NAALADL2: variants seen among roughly 807,000 people sequenced by gnomAD.
NAALADL2 encodes inactive N-acetylated-alpha-linked acidic dipeptidase-like protein 2.
NAALADL2 carries 76 observed loss-of-function variants against 87.2 expected under a neutral mutation model. The observed-to-expected ratio is 0.87, with a 90% CI of 0.72 to 1.05. The LOEUF is 1.05. NAALADL2 is among the 50% of genes least tolerant of loss of function. The pLI, the probability that NAALADL2 is intolerant of heterozygous loss-of-function variation, is 0.00. For synonymous variants in NAALADL2, 354 were observed against 331.0 expected (o/e 1.07, Z -0.75); for missense variants, 1,089 against 945.8 (o/e 1.15, Z -1.99).
chr3:175,577,433 A>C (rs1719060425), intron 10 of NAALADL2, among the ~76,000 whole-genome samples: 1 of 152,196 alleles, frequency 6.6e-6, no homozygotes, highest in Admixed American at 6.5e-5. Flanking sequence ...TAGTTTGTTA[A>C]TTGTTGAGGA....
chr3:174,867,118 T>C (rs1727244195), intron 1 of NAALADL2, among the ~76,000 whole-genome samples: 1 of 151,432 alleles, frequency 6.6e-6, no homozygotes, highest in Non-Finnish European at 1.5e-5. Context: ...TTTAACTAAA[T>C]TGATTAGATA....
chr3:175,135,292 C>T (rs775248805), intron 2 of NAALADL2, among the ~76,000 whole-genome samples: 4 of 152,000 alleles, frequency 2.6e-5, no homozygotes, highest in Non-Finnish European at 4.4e-5. Flanking sequence ...ATTTAATATA[C>T]GTGCCAAGAA....
At chr3:174,903,446 A>G (rs1732543797) in intron 1 of NAALADL2, among the ~76,000 whole-genome samples, 1 of 151,970 alleles carries the variant, frequency 6.6e-6, no homozygotes, top group African/African-American at 2.4e-5. Flanking sequence ...AGGGCCTGGA[A>G]ATGGGTGATA....
intron 1 of NAALADL2, among the ~76,000 whole-genome samples, chr3:174,916,418 A>G (rs1290522082): frequency 6.6e-6 from 1 of 152,174 alleles, no homozygotes; most frequent in Non-Finnish European, 1.5e-5. Flanking sequence ...ATGCACACAC[A>G]TGTTTATAGC....
intron 1 of NAALADL2, among the ~76,000 whole-genome samples, chr3:174,919,624 C>T (rs1035721733): frequency 1.3e-5 from 2 of 152,282 alleles, no homozygotes; most frequent in East Asian, 3.9e-4. Flanking sequence ...CAAACTCATC[C>T]ATGAGGGTTG....
chr3:175,266,055 G>A (rs1751885238), intron 4 of NAALADL2, among the ~76,000 whole-genome samples: 1 of 150,186 alleles, frequency 6.7e-6, no homozygotes, highest in Admixed American at 6.6e-5. Flanking sequence ...CCTTTATATT[G>A]CAGGTAAAAA....
intron 3 of NAALADL2, among the ~76,000 whole-genome samples, chr3:174,745,593 G>A (rs1415030814): frequency 6.6e-6 from 1 of 151,968 alleles, no homozygotes; most frequent in Middle Eastern, 3.2e-3. Context: ...TCTTATGATG[G>A]CAGCAGCATC....
intron 1 of NAALADL2, among the ~76,000 whole-genome samples, chr3:175,073,429 A>G (rs1286709209): frequency 1.3e-5 from 2 of 152,062 alleles, no homozygotes; most frequent in Non-Finnish European, 2.9e-5. Context: ...CGTAAGTTAT[A>G]TAGAAAGTAG....
intron 11 of NAALADL2, among the ~76,000 whole-genome samples, chr3:175,664,989 A>G (rs1425497040): frequency 6.6e-6 from 1 of 152,138 alleles, no homozygotes; most frequent in Non-Finnish European, 1.5e-5. Context: ...CACCTGGATA[A>G]TGCAACTGAC....
At chr3:174,713,136 T>A (rs1730837358) in intron 2 of NAALADL2, among the ~76,000 whole-genome samples, 1 of 152,218 alleles carries the variant, frequency 6.6e-6, no homozygotes, top group South Asian at 2.1e-4. Context: ...CATAAACTCA[T>A]CCTTTTTTAT....
rs75776711 is a variant in NAALADL2, at chr3:174,480,835, A to C, written c.-184+39803A>C. Among the ~76,000 whole-genome samples, 812 of 152,172 alleles carry C rather than the reference A, an allele frequency of 5.3e-3. 7 individuals carry two copies. Among genetic ancestry groups the C allele is most frequent in the East Asian group, 0.041 (211 of 5,158 alleles). ...GTGAGAGCCAGGCAATTCCAACTAAAGTAGATGCCCATTATTTGAATCTTG... is the reference window on the plus strand; with the variant it reads ...GTGAGAGCCAGGCAATTCCAACTAACGTAGATGCCCATTATTTGAATCTTG... On this transcript the variant is annotated intron_variant, in intron 1 of 3. Transcript: ENST00000434257.
chr3:175,557,954 G>A (rs932591455), intron 9 of NAALADL2, among the ~76,000 whole-genome samples: 3 of 152,054 alleles, frequency 2.0e-5, no homozygotes, highest in Non-Finnish European at 1.5e-5. Context: ...CAGCACTTTG[G>A]GAGGCTGAGG....
At chr3:174,934,142 A>G (rs1401539558) in intron 1 of NAALADL2, among the ~76,000 whole-genome samples, 1 of 152,200 alleles carries the variant, frequency 6.6e-6, no homozygotes, top group Admixed American at 6.5e-5. Context: ...TTATTTATTT[A>G]GTTCTTCTAC....
In NAALADL2 at chr3:175,206,320, A is replaced by ACG. The variant is rs1491289292; in HGVS notation, c.546-27611_546-27610insCG. ...TGTATATATATATATATACACATAC[A>ACG]TACACACACACACACATATATAATG... is the stretch of plus-strand genomic sequence containing the variant. On this transcript the variant is annotated intron_variant, in intron 2 of 13. Transcript: ENST00000454872. Among the ~76,000 whole-genome samples the ACG allele has an allele frequency of 5.8e-3, 801 of 138,576 alleles. 22 individuals carry two copies. The highest frequency in any genetic ancestry group is 0.023 in the African/African-American group (775 of 33,820). 90.9% of individuals were successfully genotyped at this position (138,576 alleles called of 152,430 possible).
rs530385834 is a variant in NAALADL2, at chr3:174,481,239, T to G, written c.-184+40207T>G. Among the ~76,000 whole-genome samples the G allele has an allele frequency of 1.6e-4, 25 of 152,104 alleles. No individual in the cohort carries two copies. The South Asian group carries it at 5.2e-3, about 32-fold the overall frequency. On this transcript the variant is annotated intron_variant, in intron 1 of 3. Coordinates refer to the NAALADL2 transcript ENST00000434257. ...ATAGCATTAGCACTATAATTCTAACTGCTAGAGATAATTGGATGTTAAGAT... is the reference window on the plus strand; with the variant it reads ...ATAGCATTAGCACTATAATTCTAACGGCTAGAGATAATTGGATGTTAAGAT...
chr3:175,184,008 C>A (rs765503403), intron 2 of NAALADL2, among the ~76,000 whole-genome samples: 1 of 152,092 alleles, frequency 6.6e-6, no homozygotes, highest in African/African-American at 2.4e-5. Flanking sequence ...CAGCTTTCTG[C>A]CTTCACACTA....
chr3:175,373,008 GTGT>G (rs1408703767), intron 5 of NAALADL2, among the ~76,000 whole-genome samples: 1 of 152,156 alleles, frequency 6.6e-6, no homozygotes, highest in Non-Finnish European at 1.5e-5. Context: ...TGTACTTAGT[GTGT>G]TTTTGTTCAG....
chr3:174,462,436 G>C (rs1260712343), intron 1 of NAALADL2, among the ~76,000 whole-genome samples: 1 of 152,042 alleles, frequency 6.6e-6, no homozygotes, highest in Non-Finnish European at 1.5e-5. Flanking sequence ...TTTAATAGTA[G>C]AGCAATTCTC....
At chr3:174,909,803 A>T (rs1451786916) in intron 1 of NAALADL2, among the ~76,000 whole-genome samples, 1 of 152,176 alleles carries the variant, frequency 6.6e-6, no homozygotes, top group Non-Finnish European at 1.5e-5. Context: ...AACCTAGCAC[A>T]TAGTATGAAT....
Sources: allele counts gnomAD v4.1 joint callset (sites outside exome capture counted in the v4.1 genomes callset), GRCh38; gene constraint gnomAD v4.1.1; transcripts MANE v1.5; gene names NCBI Gene and HGNC (gene_info 2026-07-23, HGNC 2026-07-21).